The following CACNA1E variants were observed in gnomAD, a reference collection of about 807,000 sequenced individuals.
The protein encoded by CACNA1E is voltage-dependent R-type calcium channel subunit alpha-1E.
A neutral mutation model predicts 259.2 loss-of-function variants in CACNA1E; 40 were observed. The observed-to-expected ratio is 0.15, with a 90% CI of 0.12 to 0.20. The LOEUF (loss-of-function observed/expected upper bound fraction) is 0.20, where lower values mean the gene tolerates loss of function less well. Among genes scored for constraint, CACNA1E ranks in the 10% least tolerant of loss-of-function variants. The probability of loss-of-function intolerance (pLI) is 1.00; values close to 1 mark genes in which losing one functional copy is unlikely to be tolerated. For synonymous variants in CACNA1E, 1,104 were observed against 1,138.5 expected (o/e 0.97, Z 0.61); for missense variants, 1,874 against 3,040.1 (o/e 0.62, Z 9.02).
Position 181,687,487 on chromosome 1 carries a change from A to G in CACNA1E, c.1056-23467A>G, listed in dbSNP as rs1202149932. Among the ~76,000 whole-genome samples the G allele has an allele frequency of 2.0e-5, 3 of 152,290 alleles. No individual in the cohort carries two copies. In the East Asian group the frequency reaches 5.8e-4, roughly 29 times the overall value. On this transcript the variant is annotated intron_variant, in intron 7 of 47. Coordinates refer to ENST00000367573, the MANE Select transcript of CACNA1E (RefSeq NM_001205293.3). Reference sequence around the variant, plus strand: ...TACACGCACAGCTCAGGAAGAAGGCATGCCTAAGTTTCTAACTAAGTGAAT... The same window carrying G: ...TACACGCACAGCTCAGGAAGAAGGCGTGCCTAAGTTTCTAACTAAGTGAAT...
At chr1:181,394,087 C>T (rs1328438100) in intron 1 of CACNA1E, among the ~76,000 whole-genome samples, 3 of 152,114 alleles carry the variant, frequency 2.0e-5, no homozygotes, top group Non-Finnish European at 4.4e-5. Context: ...GGTGGCTTCT[C>T]AGGGGACGGT....
At chr1:181,422,543 A>G (rs560021998) in intron 2 of CACNA1E, among the ~76,000 whole-genome samples, 1 of 152,266 alleles carries the variant, frequency 6.6e-6, no homozygotes, top group South Asian at 2.1e-4. Context: ...GTTGTATGAG[A>G]ACTGTCCTCC....
At chr1:181,794,279 ATTTGT>A (rs1661591634) in intron 45 of CACNA1E, among the ~76,000 whole-genome samples, 1 of 152,194 alleles carries the variant, frequency 6.6e-6, no homozygotes, top group Non-Finnish European at 1.5e-5. Flanking sequence ...GTTTTTGTAG[ATTTGT>A]TTTAATATCT....
chr1:181,500,937 G>C (rs1665196179), intron 1 of CACNA1E, among the ~76,000 whole-genome samples: 3 of 149,440 alleles, frequency 2.0e-5, no homozygotes, highest in African/African-American at 4.9e-5. Flanking sequence ...GTGTAGTCTT[G>C]GGTGGGGTTG....
chr1:181,734,753 C>G (rs1385115655), intron 21 of CACNA1E, among the ~76,000 whole-genome samples: 1 of 144,708 alleles, frequency 6.9e-6, no homozygotes, highest in African/African-American at 2.6e-5. Context: ...CTATCCTTGC[C>G]CTGACCCCAT....
chr1:181,487,537 A>G (rs1372317151), intron 1 of CACNA1E, among the ~76,000 whole-genome samples: 1 of 152,246 alleles, frequency 6.6e-6, no homozygotes, highest in Non-Finnish European at 1.5e-5. Context: ...TGCAGTGGAT[A>G]CCATACTCTT....
intron 6 of CACNA1E, among the ~76,000 whole-genome samples, chr1:181,643,956 G>A (rs1216891527): frequency 6.6e-6 from 1 of 152,100 alleles, no homozygotes. Context: ...ATATACTCAG[G>A]GCTCCAAGTT....
chr1:181,663,105 T>A (rs1647852083), intron 7 of CACNA1E, among the ~76,000 whole-genome samples: 1 of 152,236 alleles, frequency 6.6e-6, no homozygotes, highest in African/African-American at 2.4e-5. Context: ...ACTATATGCC[T>A]GTTTGTTATA....
chr1:181,503,775 T>A (rs1665470679), intron 1 of CACNA1E, among the ~76,000 whole-genome samples: 2 of 152,326 alleles, frequency 1.3e-5, no homozygotes, highest in Non-Finnish European at 2.9e-5. Context: ...TCTTGTTTGG[T>A]TCTGTGGGAA....
At chr1:181,402,673 G>T (rs1335617802) in intron 1 of CACNA1E, among the ~76,000 whole-genome samples, 1 of 152,192 alleles carries the variant, frequency 6.6e-6, no homozygotes, top group Non-Finnish European at 1.5e-5. Flanking sequence ...AGGCCTGGGG[G>T]AGGGGTCAGG....
Position 181,352,609 on chromosome 1 carries a change from G to A in CACNA1E, c.-15+34486G>A, listed in dbSNP as rs115862734. The stretch of plus-strand genomic sequence containing the variant: ...TAATGCATTGGTCTCTCTCTTCACC[G>A]CCTCCTCTGCCACTTGTTAGTGTCT... On this transcript the variant is annotated intron_variant, in intron 1 of 11. Transcript: ENST00000524607. 7.4e-3 allele frequency among the ~76,000 whole-genome samples: 1,133 copies of A among 152,234 alleles called. 6 individuals carry two copies. Among genetic ancestry groups the A allele is most frequent in the Middle Eastern group, 0.027 (8 of 294 alleles).
intron 1 of CACNA1E, among the ~76,000 whole-genome samples, chr1:181,494,548 G>A (rs1286356458): frequency 6.6e-6 from 1 of 152,070 alleles, no homozygotes; most frequent in African/African-American, 2.4e-5. Context: ...TTTCAACTGA[G>A]AACAAAGAAC....
At chr1:181,543,784 T>C (rs1668772882) in intron 3 of CACNA1E, among the ~76,000 whole-genome samples, 1 of 152,142 alleles carries the variant, frequency 6.6e-6, no homozygotes, top group South Asian at 2.1e-4. Context: ...AAAACCACGA[T>C]AAGATACCAC....
At chr1:181,655,406 A>G (rs1165039441) in intron 7 of CACNA1E, among the ~76,000 whole-genome samples, 1 of 152,214 alleles carries the variant, frequency 6.6e-6, no homozygotes, top group Admixed American at 6.5e-5. Context: ...AGGAATCAGG[A>G]TAGCTTTGGG....
chr1:181,383,582 C>T (rs966315708), intron 1 of CACNA1E, among the ~76,000 whole-genome samples: 23 of 152,180 alleles, frequency 1.5e-4, no homozygotes, highest in East Asian at 3.8e-4. Context: ...AAATTTAAAA[C>T]GGTCTGTGGG....
At chr1:181,535,788 A>G (rs1178168824) in intron 3 of CACNA1E, among the ~76,000 whole-genome samples, 1 of 151,090 alleles carries the variant, frequency 6.6e-6, no homozygotes, top group African/African-American at 2.4e-5. Flanking sequence ...CCCGGGTTCC[A>G]GCGATTTTCC....
At chr1:181,475,443 G>A (rs1051282573) in intron 2 of CACNA1E, among the ~76,000 whole-genome samples, 4 of 152,230 alleles carry the variant, frequency 2.6e-5, no homozygotes, top group African/African-American at 9.6e-5. Context: ...GGCTTTGTGG[G>A]AGAGCAGATT....
Position 181,718,229 on chromosome 1 carries a change from A to G in CACNA1E, c.1638+62A>G, listed in dbSNP as rs144005008. On this transcript the variant is annotated intron_variant, in intron 12 of 47. Transcript: ENST00000367573. The stretch of plus-strand genomic sequence containing the variant: ...TGTTGATATGCCCTGGTTTTAGATA[A>G]GCAGCTTGCTCCTTACTCAGCATGA... The G allele has an allele frequency of 1.7e-4, 134 of 806,798 alleles. No homozygotes were observed. The East Asian group carries it at 3.4e-3, about 20-fold the overall frequency. 50.0% of individuals were successfully genotyped at this position (806,798 alleles called of 1,614,324 possible).
At chr1:181,350,273 C>A (rs530466385) in intron 1 of CACNA1E, among the ~76,000 whole-genome samples, 2 of 152,226 alleles carry the variant, frequency 1.3e-5, no homozygotes, top group African/African-American at 4.8e-5. Flanking sequence ...AAATCACTCC[C>A]GTGGAGCCTT....
Sources: allele counts gnomAD v4.1 joint callset (sites outside exome capture counted in the v4.1 genomes callset), GRCh38; gene constraint gnomAD v4.1.1; transcripts MANE v1.5; gene names NCBI Gene and HGNC (gene_info 2026-07-23, HGNC 2026-07-21).